Variants in SGCZ observed in about 807,000 individuals in gnomAD.
SGCZ encodes zeta-sarcoglycan.
A neutral mutation model predicts 41.3 loss-of-function variants in SGCZ; 40 were observed. The ratio of observed to expected loss-of-function variants is 0.97; its 90% confidence interval spans 0.75 to 1.26. The LOEUF (loss-of-function observed/expected upper bound fraction) is 1.26. Among genes scored for constraint, SGCZ ranks in the 50% most tolerant of loss-of-function variants. The pLI is 0.00. For synonymous variants in SGCZ, 206 were observed against 137.5 expected (o/e 1.50, Z -3.49); for missense variants, 552 against 369.8 (o/e 1.49, Z -4.04).
At chr8:14,656,906 C>G (rs141798601) in intron 1 of SGCZ, among the ~76,000 whole-genome samples, 1 of 151,596 alleles carries the variant, frequency 6.6e-6, no homozygotes, top group Non-Finnish European at 1.5e-5. Flanking sequence ...TATATAAATA[C>G]TTTAAAAATT....
At chr8:14,442,563 C>T (rs939092651) in intron 2 of SGCZ, among the ~76,000 whole-genome samples, 12 of 152,282 alleles carry the variant, frequency 7.9e-5, no homozygotes, top group African/African-American at 2.9e-4. Context: ...AAATTAAATT[C>T]ACCTGGTGGG....
At chr8:14,690,845 T>C (rs1463225658) in intron 1 of SGCZ, among the ~76,000 whole-genome samples, 3 of 152,228 alleles carry the variant, frequency 2.0e-5, no homozygotes, top group South Asian at 2.1e-4. Context: ...TGAATTTATA[T>C]GGAATACAAA....
intron 1 of SGCZ, among the ~76,000 whole-genome samples, chr8:15,033,290 C>A (rs78760054): frequency 1.3e-5 from 2 of 152,094 alleles, no homozygotes; most frequent in South Asian, 2.1e-4. Context: ...CCCAGAATAA[C>A]CAGGATCTTA....
chr8:14,317,391 C>T (rs1401549059), intron 3 of SGCZ, among the ~76,000 whole-genome samples: 2 of 151,956 alleles, frequency 1.3e-5, no homozygotes, highest in East Asian at 3.9e-4. Flanking sequence ...TTATTGGACT[C>T]CAGAGCTGTA....
intron 5 of SGCZ, among the ~76,000 whole-genome samples, chr8:14,139,999 G>A (rs766148925): frequency 6.6e-6 from 1 of 152,072 alleles, no homozygotes; most frequent in Non-Finnish European, 1.5e-5. Flanking sequence ...GATCAAATTT[G>A]CTTTATCCCT....
Position 14,222,530 on chromosome 8 carries a change from T to A in SGCZ, c.424+15062A>T, listed in dbSNP as rs149878092. Among the ~76,000 whole-genome samples, 71 of 152,164 alleles carry A rather than the reference T, an allele frequency of 4.7e-4. 2 individuals are homozygous for A. Among genetic ancestry groups the A allele is most frequent in the African/African-American group, 1.6e-3 (68 of 41,526 alleles). ...TAATCTTAACTTTCATGCATATAAA[T>A]CAGTAAATCCTTCCTTCTGCAGCTT... On this transcript the variant is annotated intron_variant, in intron 4 of 7. Coordinates refer to ENST00000382080, the MANE Select transcript of SGCZ (RefSeq NM_139167.4).
intron 1 of SGCZ, among the ~76,000 whole-genome samples, chr8:14,782,308 T>C (rs995415275): frequency 6.6e-6 from 1 of 152,208 alleles, no homozygotes; most frequent in African/African-American, 2.4e-5. Flanking sequence ...ACAGTGTACT[T>C]TGTGTGCAGT....
At chr8:14,838,909 T>C (rs373337674) in intron 1 of SGCZ, among the ~76,000 whole-genome samples, 1 of 152,092 alleles carries the variant, frequency 6.6e-6, no homozygotes, top group Non-Finnish European at 1.5e-5. Flanking sequence ...TGGTTAGAAG[T>C]AGGAGACTCA....
At chr8:14,453,991 C>CA (rs141086979) in intron 2 of SGCZ, among the ~76,000 whole-genome samples, 3,563 of 149,328 alleles carry the variant, frequency 0.024, 123 homozygotes, top group African/African-American at 0.062. Flanking sequence ...GACAGTGACA[C>CA]AAAAAAAAAA....
chr8:14,975,811 G>A (rs199781751), intron 1 of SGCZ, among the ~76,000 whole-genome samples: 3,410 of 43,650 alleles, frequency 0.078, 103 homozygotes, highest in East Asian at 0.32. Context: ...ATATATATAT[G>A]TGTGTGTGTG....
At chr8:14,167,452 T>G (rs1316178937) in intron 4 of SGCZ, among the ~76,000 whole-genome samples, 2 of 152,118 alleles carry the variant, frequency 1.3e-5, no homozygotes, top group Non-Finnish European at 2.9e-5. Flanking sequence ...GTGCTATATT[T>G]TCTTAGTCAT....
chr8:14,221,885 C>T (rs1806207414), intron 4 of SGCZ, among the ~76,000 whole-genome samples: 2 of 151,706 alleles, frequency 1.3e-5, no homozygotes, highest in Non-Finnish European at 2.9e-5. Flanking sequence ...CGCTTGAACC[C>T]GGGAGGTGGA....
At chr8:15,115,864 A>C (rs1270569542) in intron 1 of SGCZ, among the ~76,000 whole-genome samples, 2 of 152,234 alleles carry the variant, frequency 1.3e-5, no homozygotes, top group African/African-American at 2.4e-5. Flanking sequence ...AAATATTGAA[A>C]ATAATAAAGT....
chr8:14,099,340 G>T (rs1346521089), intron 7 of SGCZ, among the ~76,000 whole-genome samples: 3 of 152,142 alleles, frequency 2.0e-5, no homozygotes, highest in Non-Finnish European at 2.9e-5. Context: ...ACATCCCTGA[G>T]CTCTTAAGTC....
At chr8:14,597,027 C>G (rs932080691) in intron 1 of SGCZ, among the ~76,000 whole-genome samples, 4 of 152,170 alleles carry the variant, frequency 2.6e-5, no homozygotes. Flanking sequence ...CTCATAACTT[C>G]CTCAAAACGC....
intron 1 of SGCZ, among the ~76,000 whole-genome samples, chr8:14,572,363 T>C (rs1804580816): frequency 6.6e-6 from 1 of 152,188 alleles, no homozygotes; most frequent in South Asian, 2.1e-4. Context: ...TAACACTGAC[T>C]AATCCTTCAT....
intron 5 of SGCZ, among the ~76,000 whole-genome samples, chr8:14,131,301 A>T (rs1261620379): frequency 1.3e-5 from 2 of 152,216 alleles, no homozygotes; most frequent in Non-Finnish European, 2.9e-5. Context: ...TGTCAGGATC[A>T]GCTTGGAACC....
intron 1 of SGCZ, among the ~76,000 whole-genome samples, chr8:15,212,786 T>C (rs568711236): frequency 1.2e-3 from 185 of 152,174 alleles, no homozygotes; most frequent in Non-Finnish European, 1.7e-3. Flanking sequence ...TTTCTCAAAG[T>C]ACTAAAGAAC....
chr8:14,824,914 T>C (rs1402331012), intron 1 of SGCZ, among the ~76,000 whole-genome samples: 2 of 152,110 alleles, frequency 1.3e-5, no homozygotes, highest in Non-Finnish European at 2.9e-5. Flanking sequence ...CAATTTTTTG[T>C]CAACATTCTA....
Sources: allele counts gnomAD v4.1 joint callset (sites outside exome capture counted in the v4.1 genomes callset), GRCh38; gene constraint gnomAD v4.1.1; transcripts MANE v1.5; gene names NCBI Gene and HGNC (gene_info 2026-07-23, HGNC 2026-07-21).